CD74: variants seen among roughly 807,000 people sequenced by gnomAD.
CD74 encodes CD74 molecule.
In CD74, 20 loss-of-function variants were observed where a neutral mutation model predicts 37.1. The ratio of observed to expected loss-of-function variants is 0.54; its 90% CI spans 0.38 to 0.78. The LOEUF is 0.78. Ranked by LOEUF, CD74 falls within the 30% of genes least tolerant of loss-of-function variation. The pLI is 0.00. For missense variants in CD74, 338 were observed against 389.5 expected, an observed-to-expected ratio of 0.87 and a Z score of 1.11; for synonymous variants, 150 against 152.0, an observed-to-expected ratio of 0.99 and a Z score of 0.10.
Position 150,406,947 on chromosome 5 carries a change from C to G in CD74, c.312G>C (p.Val104=), listed in dbSNP as rs766883449. ...RMKLPKPPKP[V]SKMRMATPLL... ...GCGGGGTGGCCATGCGCATCTTGCT[C>G]ACAGGCTTGGGAGCTGTGGGGACAG... is the stretch of plus-strand genomic sequence containing the variant. Residue 104 remains valine, a synonymous_variant, in exon 3 of 9, where the codon GTG becomes GTC. Transcript: ENST00000009530. 1.9e-6 allele frequency: 3 copies of G among 1,563,340 alleles called. No homozygotes were observed. Among genetic ancestry groups the G allele is most frequent in the East Asian group, 2.3e-5 (1 of 44,240 alleles).
At chr5:150,412,407 C>T in intron 1 of CD74, among the ~76,000 whole-genome samples, 1 of 152,346 alleles carries the variant, frequency 6.6e-6, no homozygotes, top group South Asian at 2.1e-4. Flanking sequence ...AGGAAAGTTA[C>T]AAACTCCTGC....
chr5:150,409,082 G>C (rs903865049), intron 1 of CD74, among the ~76,000 whole-genome samples: 37 of 152,060 alleles, frequency 2.4e-4, no homozygotes, highest in African/African-American at 8.5e-4. Context: ...ACTTAGCCAG[G>C]CATGGTGGCG....
Position 150,406,908 on chromosome 5 carries a change from C to T in CD74, c.351G>A (p.Ala117=), listed in dbSNP as rs548437679. The change falls in exon 3 of 9, where the codon GCG becomes GCA. Residue 117 remains alanine (A), a synonymous_variant. Transcript: ENST00000009530. ...CCTGGGGCAGGGCTCCCATGGGCAG[C>T]GCCTGCATCAGCAGCGGGGTGGCCA... The part of the protein sequence containing the change: ...MRMATPLLMQ[A]LPMGALPQGP... 150 of 1,527,770 alleles carry T rather than the reference C, an allele frequency of 9.8e-5. No individual in the cohort carries two copies. The South Asian group carries it at 1.2e-3, about 13-fold the overall frequency. 94.6% of individuals were successfully genotyped at this position (1,527,770 alleles called of 1,614,324 possible). A position where few individuals can be genotyped will look rare whatever the true frequency, so the allele number is the denominator to read the frequency against.
Position 150,407,637 on chromosome 5 carries a change from C to T in CD74, c.126-313G>A, listed in dbSNP as rs924304982. The stretch of plus-strand genomic sequence containing the variant: ...TTTGTCCTCTCTGGACCTTAGGGTC[C>T]TGCCTGTGCGATGAGGGGTTGAGGT... On this transcript the variant is annotated intron_variant, in intron 1 of 8. Transcript: ENST00000009530. This position sits in a 1 kb window ranked among gnomAD's most constrained non-coding sequence, Gnocchi z 4.4. Among the ~76,000 whole-genome samples, 2 of 152,180 alleles carry T rather than the reference C, an allele frequency of 1.3e-5. No homozygotes were observed. The highest frequency in any genetic ancestry group is 6.5e-5 in the Admixed American group (1 of 15,284).
chr5:150,405,213 A>C, intron 4 of CD74, 33 bp from the exon 5 acceptor site: 5 of 1,553,804 alleles, frequency 3.2e-6, no homozygotes, highest in Non-Finnish European at 4.3e-6. Context: ...GGATGGTTCA[A>C]GAAGAGCTCC....
At chr5:150,408,371 G>A (rs1266687003) in intron 1 of CD74, among the ~76,000 whole-genome samples, 1 of 152,206 alleles carries the variant, frequency 6.6e-6, no homozygotes, top group African/African-American at 2.4e-5. Flanking sequence ...GGCTCTCCAT[G>A]TCTTTGAGCA....
At chr5:150,406,421 G>T in intron 3 of CD74, 100 bp from the exon 4 acceptor site, 1 of 892,734 alleles carries the variant, frequency 1.1e-6, no homozygotes, top group Non-Finnish European at 1.9e-6. Context: ...GACTGGAATC[G>T]CAGGCACTTG....
chr5:150,409,237 G>C (rs1770186576), intron 1 of CD74, among the ~76,000 whole-genome samples: 1 of 147,008 alleles, frequency 6.8e-6, no homozygotes, highest in Non-Finnish European at 1.5e-5. Context: ...AAAAAAGAAA[G>C]CAAGCTAGGC....
In CD74 at chr5:150,405,154, C is replaced by T. The variant is rs199933813; in HGVS notation, c.468G>A (p.Pro156=). 2,395 of 1,609,732 alleles carry T rather than the reference C, an allele frequency of 1.5e-3. 6 individuals are homozygous for T. The highest frequency in any genetic ancestry group is 1.5e-3 in the Non-Finnish European group (1,732 of 1,178,016). The change falls in exon 5 of 9, where the codon CCG becomes CCA. Residue 156 remains proline, a synonymous_variant. Coordinates refer to ENST00000009530, the MANE Select transcript of CD74 (RefSeq NM_001025159.3). ...LQNADPLKVY[P]PLKGSFPENL... is the part of the protein sequence containing the mutation. ...TCTCCGGGAAGCTCCCCTTCAGTGG[C>T]GGGTACACCTTCAGGGGGTCAGCAT...
rs748484378 is a variant in CD74, at chr5:150,403,329, G to T, written c.626-17C>A. 2 of 1,611,612 alleles carry T rather than the reference G, an allele frequency of 1.2e-6. No homozygotes were observed. The highest frequency in any genetic ancestry group is 8.5e-7 in the Non-Finnish European group (1 of 1,177,696). On this transcript the variant is annotated splice_polypyrimidine_tract_variant and intron_variant, in intron 6 of 8. Transcript: ENST00000009530. The surrounding 1 kb of genome is among the most constrained non-coding windows in gnomAD (Gnocchi z 4.5). Reference sequence around the variant, plus strand: ...TGGTCAGTACTGAAGCGACAGGCATGATGAGGACACAGTGAGTGAGTGAGC... The same window carrying T: ...TGGTCAGTACTGAAGCGACAGGCATTATGAGGACACAGTGAGTGAGTGAGC...
chr5:150,406,953 C>A lies in CD74; in HGVS notation c.306G>T (p.Lys102Asn). 6.4e-7 allele frequency: 1 copy of A among 1,570,404 alleles called. No homozygotes were observed. Among genetic ancestry groups the A allele is most frequent in the Non-Finnish European group, 8.6e-7 (1 of 1,165,050 alleles). ...TGGCCATGCGCATCTTGCTCACAGG[C>A]TTGGGAGCTGTGGGGACAGGAACGA... ...NLRMKLPKPPKPVSKMRMATP... is the reference protein window; with the variant it reads ...NLRMKLPKPPNPVSKMRMATP... Residue 102 changes from lysine (K) to asparagine (N), a missense_variant, in exon 3 of 9, where the codon AAG (lysine) becomes AAT (asparagine). By Grantham distance (94) the Lys-to-Asn change is moderately conservative. Transcript: ENST00000009530.
intron 4 of CD74, chr5:150,405,971 A>G (rs573078257): frequency 4.1e-4 from 114 of 278,604 alleles, no homozygotes; most frequent in African/African-American, 2.3e-3. Flanking sequence ...GACTTTCACT[A>G]TGTTGGCCAG....
At position 150,402,193 on chromosome 5, in the gene CD74, G is replaced by A. The variant is rs2151165383; in HGVS notation, c.*47C>T. 1.3e-6 allele frequency: 2 copies of A among 1,590,020 alleles called. No homozygotes were observed. Among genetic ancestry groups the A allele is most frequent in the South Asian group, 2.3e-5 (2 of 87,262 alleles). On this transcript the variant is annotated 3_prime_UTR_variant, in exon 9 of 9. Transcript: ENST00000009530. The surrounding 1 kb of genome is among the most constrained non-coding windows in gnomAD (Gnocchi z 4.2). ...GGGGGCTGAAGGGAGCAAGAAAGCT[G>A]TAGCTGTGTGGGGCTGGCAGGATGT... is the stretch of plus-strand genomic sequence containing the variant.
intron 4 of CD74, 121 bp downstream of exon 4, chr5:150,406,138 A>G (rs1769947094): frequency 1.3e-6 from 1 of 770,068 alleles, no homozygotes; most frequent in Non-Finnish European, 2.3e-6. Flanking sequence ...CCTTGTATTC[A>G]GTAATCCAGA....
In CD74 at chr5:150,403,720, G is replaced by C. The variant is rs1264302838; in HGVS notation, c.626-408C>G. Among the ~76,000 whole-genome samples, 2 of 152,158 alleles carry C rather than the reference G, an allele frequency of 1.3e-5. No homozygotes were observed. Among genetic ancestry groups the C allele is most frequent in the African/African-American group, 4.8e-5 (2 of 41,440 alleles). ...CTAAAAATACAAAAATTAGCTGGGC[G>C]TGGTGGCACATGCCTATAATCCCAG... On this transcript the variant is annotated intron_variant, in intron 6 of 8. Coordinates refer to ENST00000009530, the MANE Select transcript of CD74 (RefSeq NM_001025159.3). This position sits in a 1 kb window ranked among gnomAD's most constrained non-coding sequence, Gnocchi z 4.5.
Position 150,406,246 on chromosome 5 carries a change from TC to T in CD74, c.441+12del, listed in dbSNP as rs760048319. 2 of 1,611,576 alleles carry T rather than the reference TC, an allele frequency of 1.2e-6. No homozygotes were observed. Among genetic ancestry groups the T allele is most frequent in the South Asian group, 1.1e-5 (1 of 91,032 alleles). On this transcript the variant is annotated intron_variant, in intron 4 of 8. Transcript: ENST00000009530. ...GGGCAGGCAGGACCACCCAGCTAGC[TC>T]CCTGCACTCACCTGGAGCAGGTGCA...
chr5:150,403,226 A>AG lies in CD74; in HGVS notation c.711dup (p.Tyr238LeufsTer33). 6.2e-7 allele frequency: 1 copy of AG among 1,614,056 alleles called. No homozygotes were observed. The highest frequency in any genetic ancestry group is 8.5e-7 in the Non-Finnish European group (1 of 1,179,896). Reference sequence around the variant, plus strand: ...CTCCCATAGCACTGGAGTGGCAGATAGTTGCCGTTCTCGTCGCACTTGGGC... The same window carrying AG: ...CTCCCATAGCACTGGAGTGGCAGATAGGTTGCCGTTCTCGTCGCACTTGGGC... On this transcript the variant is annotated frameshift_variant, in exon 7 of 9. Coordinates refer to ENST00000009530, the MANE Select transcript of CD74 (RefSeq NM_001025159.3). LOFTEE classifies it high-confidence loss of function. This position sits in a 1 kb window ranked among gnomAD's most constrained non-coding sequence, Gnocchi z 4.5.
intron 1 of CD74, among the ~76,000 whole-genome samples, chr5:150,410,355 T>A (rs1415738984): frequency 2.0e-5 from 3 of 152,220 alleles, no homozygotes; most frequent in African/African-American, 7.2e-5. Context: ...ATTGGAATCC[T>A]GGCTCTGGAG....
At chr5:150,405,354 G>A in intron 4 of CD74, 174 bp from the exon 5 acceptor site, 2 of 1,325,144 alleles carry the variant, frequency 1.5e-6, no homozygotes, top group Non-Finnish European at 1.9e-6. Flanking sequence ...TACGGGTAAG[G>A]GTAGTCCAGC....
Sources: gnomAD v4.1 joint callset for allele counts (sites outside exome capture counted in the v4.1 genomes callset) on GRCh38, gnomAD v4.1.1 for gene constraint, Gnocchi (gnomAD v3.1) non-coding constraint, MANE v1.5 for transcripts, NCBI Gene and HGNC (gene_info 2026-07-23, HGNC 2026-07-21) for gene names.